PPFIBP1: variants seen among roughly 807,000 people sequenced by gnomAD.
PPFIBP1 encodes liprin-beta-1.
PPFIBP1 carries 112 observed loss-of-function variants against 137.8 expected under a neutral mutation model. The observed-to-expected ratio is 0.81, with a 90% confidence interval of 0.70 to 0.95. The LOEUF is 0.95. Among genes scored for constraint, PPFIBP1 ranks in the 40% least tolerant of loss-of-function variants. The pLI, the probability that PPFIBP1 is intolerant of heterozygous loss-of-function variation, is 0.00. For missense variants in PPFIBP1, 1,083 were observed against 1,196.6 expected (o/e 0.91, Z 1.40); for synonymous variants, 378 against 417.3 (o/e 0.91, Z 1.15).
intron 1 of PPFIBP1, among the ~76,000 whole-genome samples, chr12:27,573,668 G>C (rs1260296626): frequency 6.6e-6 from 1 of 152,178 alleles, no homozygotes; most frequent in Non-Finnish European, 1.5e-5. Context: ...AAACCAGTTG[G>C]AGACTAGCGT....
chr12:27,529,858 A>G (rs1312611855), intron 1 of PPFIBP1, among the ~76,000 whole-genome samples: 1 of 152,214 alleles, frequency 6.6e-6, no homozygotes, highest in Non-Finnish European at 1.5e-5. Flanking sequence ...ATGCAGTAAT[A>G]CTGTACCATA....
At chr12:27,637,139 T>C (rs1057386474) in intron 4 of PPFIBP1, 4 of 152,354 alleles carry the variant, frequency 2.6e-5, no homozygotes, top group African/African-American at 9.6e-5. Flanking sequence ...AATGTGTTTG[T>C]GATGTTTATA....
intron 1 of PPFIBP1, among the ~76,000 whole-genome samples, chr12:27,531,727 C>G (rs1247986453): frequency 6.6e-6 from 1 of 152,034 alleles, no homozygotes; most frequent in African/African-American, 2.4e-5. Context: ...GAATTCAGCT[C>G]TTTCTCCTAG....
chr12:27,588,554 G>T (rs1592665096), intron 2 of PPFIBP1, among the ~76,000 whole-genome samples: 1 of 152,084 alleles, frequency 6.6e-6, no homozygotes, highest in South Asian at 2.1e-4. Flanking sequence ...ATGTTTGAAG[G>T]GTTTTCTTTT....
chr12:27,603,420 T>C (rs987438215), intron 2 of PPFIBP1, among the ~76,000 whole-genome samples: 4 of 152,218 alleles, frequency 2.6e-5, no homozygotes, highest in African/African-American at 9.6e-5. Flanking sequence ...CTGGGAAAAA[T>C]GTTTGTATTT....
chr12:27,683,698 T>A (rs1418718340), intron 24 of PPFIBP1, among the ~76,000 whole-genome samples: 2 of 152,242 alleles, frequency 1.3e-5, no homozygotes, highest in African/African-American at 4.8e-5. Context: ...GAAAGATGGA[T>A]TCCAGGAGAA....
At chr12:27,598,599 A>G (rs996463299) in intron 2 of PPFIBP1, among the ~76,000 whole-genome samples, 6 of 151,848 alleles carry the variant, frequency 4.0e-5, no homozygotes, top group Non-Finnish European at 8.8e-5. Flanking sequence ...AAAATATACA[A>G]CTCAGGTAGT....
chr12:27,671,435 A>G lies in PPFIBP1; in HGVS notation c.1151A>G (p.His384Arg), dbSNP rs2060194863. 1 of 1,565,416 alleles carries G rather than the reference A, an allele frequency of 6.4e-7. No homozygotes were observed. Among genetic ancestry groups the G allele is most frequent in the Non-Finnish European group, 8.7e-7 (1 of 1,151,716 alleles). Reference sequence around the variant, plus strand: ...TTTTTTGTAATTACATTACAGTTCCATACTACCATCTTGCAAGTTTCCATC... The same window carrying G: ...TTTTTTGTAATTACATTACAGTTCCGTACTACCATCTTGCAAGTTTCCATC... ...PFNTSVPEEF[H>R]TTILQVSIPS... The change falls in exon 14 of 30, where the codon CAT becomes CGT. Residue 384 changes from histidine (H) to arginine (R), a missense_variant. His to Arg is a conservative substitution (Grantham distance 29). Coordinates refer to ENST00000228425, the MANE Select transcript of PPFIBP1 (RefSeq NM_003622.4).
chr12:27,600,451 A>G (rs2053851798), intron 2 of PPFIBP1, among the ~76,000 whole-genome samples: 3 of 150,532 alleles, frequency 2.0e-5, no homozygotes, highest in African/African-American at 7.3e-5. Flanking sequence ...AAAAAAAAAA[A>G]TAGTTAGAAG....
intron 2 of PPFIBP1, chr12:27,593,846 CT>C: frequency 7.2e-7 from 1 of 1,395,516 alleles, no homozygotes; most frequent in Non-Finnish European, 9.5e-7. Flanking sequence ...TTTCCTTATC[CT>C]TTCAGTCCCC....
chr12:27,554,847 G>A (rs1052530521), intron 1 of PPFIBP1, among the ~76,000 whole-genome samples: 7 of 151,878 alleles, frequency 4.6e-5, no homozygotes, highest in Non-Finnish European at 8.8e-5. Flanking sequence ...TGTGGAGATC[G>A]TGCTGACACC....
Position 27,647,717 on chromosome 12 carries a change from C to G in PPFIBP1, c.358-12C>G. ...CTTTTTCACTCATTGCATTATTTTG[C>G]TCTAAATACAGGTAAGTGTGTTAAC... On this transcript the variant is annotated splice_polypyrimidine_tract_variant and intron_variant, in intron 5 of 29. Coordinates refer to ENST00000228425, the MANE Select transcript of PPFIBP1 (RefSeq NM_003622.4). 6.5e-7 allele frequency: 1 copy of G among 1,550,188 alleles called. No homozygotes were observed. The highest frequency in any genetic ancestry group is 8.7e-7 in the Non-Finnish European group (1 of 1,146,028).
At chr12:27,692,222 C>T (rs971814482) in intron 28 of PPFIBP1, among the ~76,000 whole-genome samples, 2 of 152,182 alleles carry the variant, frequency 1.3e-5, no homozygotes, top group Non-Finnish European at 2.9e-5. Context: ...CAACCTGTCT[C>T]TTTGGCTCCA....
chr12:27,531,892 A>C (rs1356949876), intron 1 of PPFIBP1, among the ~76,000 whole-genome samples: 1 of 152,172 alleles, frequency 6.6e-6, no homozygotes, highest in Non-Finnish European at 1.5e-5. Context: ...TGTCCTTATA[A>C]AAATTTTATT....
chr12:27,682,701 G>A lies in PPFIBP1; in HGVS notation c.2245G>A (p.Val749Ile). The A allele has an allele frequency of 1.9e-6, 3 of 1,614,066 alleles. No homozygotes were observed. ...TGGTCGAATGCTACATTACATGACT[G>A]TTGTAAGTGACTCACTCCTGGGGTT... ...VDGRMLHYMT[V>I]DDLLSLKVVS... The change falls in exon 24 of 30, where the codon GTT (valine) becomes ATT (isoleucine). Residue 749 changes from valine to isoleucine, a missense_variant and splice_region_variant. Val to Ile is a conservative substitution (Grantham distance 29). Transcript: ENST00000228425.
chr12:27,593,546 C>A, intron 2 of PPFIBP1: 1 of 372,102 alleles, frequency 2.7e-6, no homozygotes, highest in South Asian at 2.4e-5. Flanking sequence ...GGGGAGCTGC[C>A]GTACAGCTGG....
intron 28 of PPFIBP1, among the ~76,000 whole-genome samples, chr12:27,692,142 G>A (rs1455963420): frequency 1.3e-5 from 2 of 152,174 alleles, no homozygotes; most frequent in Admixed American, 1.3e-4. Flanking sequence ...GACATGGAGA[G>A]CATTGTTATT....
chr12:27,581,261 A>G (rs1488526566), intron 2 of PPFIBP1, among the ~76,000 whole-genome samples: 3 of 152,176 alleles, frequency 2.0e-5, no homozygotes, highest in Admixed American at 6.5e-5. Flanking sequence ...TAAGAGTGTA[A>G]GCAACACCCT....
chr12:27,549,628 G>T (rs1481599284), intron 1 of PPFIBP1, among the ~76,000 whole-genome samples: 2 of 151,698 alleles, frequency 1.3e-5, no homozygotes, highest in Non-Finnish European at 2.9e-5. Flanking sequence ...GAAGTGATCT[G>T]CAGGGTGTTG....
Sources: gnomAD v4.1 joint callset for allele counts (sites outside exome capture counted in the v4.1 genomes callset) on GRCh38, gnomAD v4.1.1 for gene constraint, MANE v1.5 for transcripts, NCBI Gene and HGNC (gene_info 2026-07-23, HGNC 2026-07-21) for gene names.